GABRG3: variants seen among roughly 807,000 people sequenced by gnomAD.
GABRG3 encodes gamma-aminobutyric acid receptor subunit gamma-3.
GABRG3 carries 25 observed loss-of-function variants against 48.8 expected under a neutral mutation model. The observed-to-expected ratio is 0.51, with a 90% confidence interval of 0.37 to 0.72. The LOEUF is 0.72. Ranked by LOEUF, GABRG3 falls within the 30% of genes least tolerant of loss-of-function variation. The pLI is 0.00. For synonymous variants in GABRG3, 227 were observed against 217.6 expected, an observed-to-expected ratio of 1.04 and a Z score of -0.38; for missense variants, 394 against 577.9, an observed-to-expected ratio of 0.68 and a Z score of 3.26.
intron 5 of GABRG3, among the ~76,000 whole-genome samples, chr15:27,474,347 A>T (rs1175721424): frequency 5.3e-5 from 8 of 152,378 alleles, no homozygotes; most frequent in African/African-American, 1.9e-4. Context: ...AAACATAAAT[A>T]CAAAGATAAA....
At chr15:27,091,190 C>T (rs562853417) in intron 3 of GABRG3, among the ~76,000 whole-genome samples, 1 of 152,310 alleles carries the variant, frequency 6.6e-6, no homozygotes, top group East Asian at 1.9e-4. Context: ...AATTTTTCAT[C>T]ATTAACAGAT....
intron 5 of GABRG3, chr15:27,350,393 T>C (rs1894521877): frequency 1.3e-5 from 4 of 317,600 alleles, no homozygotes; most frequent in Non-Finnish European, 2.5e-5. Flanking sequence ...AAGTTCAAAA[T>C]CAACTCGATA....
chr15:27,128,839 CATT>C (rs1897867292), intron 3 of GABRG3, among the ~76,000 whole-genome samples: 1 of 152,090 alleles, frequency 6.6e-6, no homozygotes, highest in Admixed American at 6.6e-5. Flanking sequence ...CTGTGTGTCT[CATT>C]ATTTCAATGA....
chr15:27,015,313 T>G (rs1895758244), intron 2 of GABRG3, among the ~76,000 whole-genome samples: 1 of 152,104 alleles, frequency 6.6e-6, no homozygotes, highest in Non-Finnish European at 1.5e-5. Flanking sequence ...TTGTTAATTT[T>G]TTTTTCTGGA....
At chr15:27,046,077 A>G (rs2140704839) in intron 3 of GABRG3, among the ~76,000 whole-genome samples, 1 of 152,036 alleles carries the variant, frequency 6.6e-6, no homozygotes, top group African/African-American at 2.4e-5. Flanking sequence ...ATCCTTACAT[A>G]CTTCTTTTTC....
chr15:27,528,880 A>G (rs146836466), intron 9 of GABRG3, among the ~76,000 whole-genome samples: 1,895 of 152,236 alleles, frequency 0.012, 53 homozygotes, highest in African/African-American at 0.044. Context: ...CATATAGGAT[A>G]TATTCATGAT....
At chr15:27,181,899 T>C (rs1887943785) in intron 3 of GABRG3, among the ~76,000 whole-genome samples, 1 of 151,934 alleles carries the variant, frequency 6.6e-6, no homozygotes, top group East Asian at 1.9e-4. Context: ...CGAGAAATCA[T>C]TGTGAATTCT....
intron 3 of GABRG3, among the ~76,000 whole-genome samples, chr15:27,229,664 A>G (rs924418329): frequency 7.2e-5 from 11 of 151,994 alleles, no homozygotes; most frequent in Admixed American, 2.6e-4. Context: ...TTTAGTAGAG[A>G]CAGGGTTTCA....
intron 5 of GABRG3, among the ~76,000 whole-genome samples, chr15:27,343,821 G>A (rs547781106): frequency 1.3e-5 from 2 of 152,330 alleles, no homozygotes; most frequent in South Asian, 4.1e-4. Context: ...GTGATTATCT[G>A]GGAATACAGC....
chr15:27,195,241 G>A (rs984000732), intron 3 of GABRG3, among the ~76,000 whole-genome samples: 6 of 152,182 alleles, frequency 3.9e-5, no homozygotes, highest in African/African-American at 1.4e-4. Flanking sequence ...GTTGGCATCT[G>A]TCAATCTTCT....
At chr15:27,342,584 C>G (rs745383831) in intron 5 of GABRG3, among the ~76,000 whole-genome samples, 1 of 152,220 alleles carries the variant, frequency 6.6e-6, no homozygotes, top group Non-Finnish European at 1.5e-5. Context: ...TGCAAGGGTT[C>G]GCAGATTCTC....
chr15:27,503,979 T>C (rs1241384507), intron 6 of GABRG3, among the ~76,000 whole-genome samples: 2 of 152,314 alleles, frequency 1.3e-5, no homozygotes, highest in East Asian at 1.9e-4. Context: ...CAGATTAATA[T>C]AGGCTCTTGA....
At chr15:27,271,400 C>T (rs1049383015) in intron 3 of GABRG3, 2 of 363,680 alleles carry the variant, frequency 5.5e-6, no homozygotes, top group South Asian at 2.1e-5. Flanking sequence ...ACGGGTCTTA[C>T]GCAGGGAGCT....
intron 3 of GABRG3, among the ~76,000 whole-genome samples, chr15:27,303,314 G>A (rs1892276191): frequency 6.6e-6 from 1 of 151,162 alleles, no homozygotes; most frequent in African/African-American, 2.4e-5. Flanking sequence ...GGGAGTACTA[G>A]AAACACCTCT....
intron 5 of GABRG3, among the ~76,000 whole-genome samples, chr15:27,443,312 A>C (rs893060838): frequency 6.6e-6 from 1 of 152,218 alleles, no homozygotes; most frequent in African/African-American, 2.4e-5. Context: ...ATTCAAAAGC[A>C]ATGAGTCTTT....
At chr15:27,242,360 C>G (rs1222557465) in intron 3 of GABRG3, among the ~76,000 whole-genome samples, 1 of 152,160 alleles carries the variant, frequency 6.6e-6, no homozygotes, top group Admixed American at 6.5e-5. Context: ...TTTAGTTGCT[C>G]TGGGCACAGA....
intron 3 of GABRG3, among the ~76,000 whole-genome samples, chr15:27,314,977 A>G (rs1019526520): frequency 2.0e-5 from 3 of 152,186 alleles, no homozygotes; most frequent in South Asian, 2.1e-4. Context: ...CTCTAGATCT[A>G]TTGTACAACA....
intron 2 of GABRG3, among the ~76,000 whole-genome samples, chr15:26,983,470 T>C (rs1370915886): frequency 6.6e-6 from 1 of 152,166 alleles, no homozygotes; most frequent in African/African-American, 2.4e-5. Context: ...TTTGAAACTC[T>C]TGAAAGTTGC....
chr15:27,038,379 C>T (rs1320395525), intron 3 of GABRG3, among the ~76,000 whole-genome samples: 4 of 152,164 alleles, frequency 2.6e-5, no homozygotes, highest in African/African-American at 4.8e-5. Flanking sequence ...TCATTCTGTA[C>T]CAAGGTCTTA....
Sources: allele counts gnomAD v4.1 joint callset (sites outside exome capture counted in the v4.1 genomes callset), GRCh38; gene constraint gnomAD v4.1.1; transcripts MANE v1.5; gene names NCBI Gene and HGNC (gene_info 2026-07-23, HGNC 2026-07-21).